Variants in TENM2 observed in about 807,000 individuals in gnomAD.
TENM2 encodes the protein teneurin transmembrane protein 2.
A neutral mutation model predicts 245.2 loss-of-function variants in TENM2; 52 were observed. The ratio of observed to expected loss-of-function variants is 0.21; its 90% confidence interval spans 0.17 to 0.27. The LOEUF (loss-of-function observed/expected upper bound fraction) is 0.27, where lower values mean the gene tolerates loss of function less well. Among genes scored for constraint, TENM2 ranks in the 10% least tolerant of loss-of-function variants. The pLI, the probability that TENM2 is intolerant of heterozygous loss-of-function variation, is 1.00. For synonymous variants in TENM2, 1,363 were observed against 1,438.9 expected, an observed-to-expected ratio of 0.95 and a Z score of 1.19; for missense variants, 3,046 against 3,666.8, an observed-to-expected ratio of 0.83 and a Z score of 4.37.
At chr5:167,654,970 T>C (rs1265358722) in intron 2 of TENM2, among the ~76,000 whole-genome samples, 1 of 152,100 alleles carries the variant, frequency 6.6e-6, no homozygotes, top group African/African-American at 2.4e-5. Context: ...AAATAAATTA[T>C]AGAAACAGTT....
chr5:167,344,240 T>C (rs1021232440), intron 1 of TENM2, among the ~76,000 whole-genome samples: 2 of 147,382 alleles, frequency 1.4e-5, no homozygotes, highest in Non-Finnish European at 3.0e-5. Flanking sequence ...ATTTTGGAGA[T>C]AATATATATA....
chr5:167,559,066 T>C (rs1171308775), intron 2 of TENM2, among the ~76,000 whole-genome samples: 1 of 152,180 alleles, frequency 6.6e-6, no homozygotes, highest in African/African-American at 2.4e-5. Flanking sequence ...TGAATGAACA[T>C]AAACTCACAA....
intron 7 of TENM2, among the ~76,000 whole-genome samples, chr5:168,072,612 G>A (rs1168376155): frequency 6.6e-6 from 1 of 152,184 alleles, no homozygotes; most frequent in Non-Finnish European, 1.5e-5. Context: ...TGGAGGATAA[G>A]AGCTGACACT....
chr5:167,368,257 T>C (rs1760185025), intron 1 of TENM2, among the ~76,000 whole-genome samples: 1 of 152,190 alleles, frequency 6.6e-6, no homozygotes, highest in Non-Finnish European at 1.5e-5. Context: ...TCAGTTTAAA[T>C]TTAATATTAT....
the TENM2 span, among the ~76,000 whole-genome samples, chr5:167,146,961 T>A: frequency 6.6e-6 from 1 of 152,130 alleles, no homozygotes; most frequent in Non-Finnish European, 1.5e-5. Flanking sequence ...TCAGAAGGAA[T>A]GGAGGAACAC....
At chr5:167,409,238 G>A (rs796484771) in intron 2 of TENM2, among the ~76,000 whole-genome samples, 61 of 151,976 alleles carry the variant, frequency 4.0e-4, no homozygotes, top group African/African-American at 1.4e-3. Flanking sequence ...TTATGATCAG[G>A]AGTAATAGTT....
rs533262146 is a variant in TENM2, at chr5:167,299,146, G to T, written c.226+14083G>T. ...TGTGTTTTTAAAGGACCTTTAGTCC[G>T]TTCTACCTTTCCTGAAGACTGAGGA... On this transcript the variant is annotated intron_variant, in intron 1 of 28. Coordinates refer to ENST00000518659, the Ensembl canonical transcript of TENM2. Among the ~76,000 whole-genome samples the T allele has an allele frequency of 3.9e-5, 6 of 152,228 alleles. No homozygotes were observed. In the South Asian group the frequency reaches 1.2e-3, roughly 32 times the overall value.
chr5:167,745,855 T>TA (rs1167043318), intron 2 of TENM2, among the ~76,000 whole-genome samples: 6 of 152,244 alleles, frequency 3.9e-5, no homozygotes, highest in Non-Finnish European at 7.3e-5. Flanking sequence ...ATTCTGCTGA[T>TA]ACAGGTTTAC....
chr5:167,044,333 G>A, the TENM2 span, among the ~76,000 whole-genome samples: 1 of 152,072 alleles, frequency 6.6e-6, no homozygotes, highest in African/African-American at 2.4e-5. Flanking sequence ...TTATATGAAT[G>A]GTGTGAAGAC....
At chr5:167,613,584 C>G (rs1777605972) in intron 2 of TENM2, among the ~76,000 whole-genome samples, 1 of 152,068 alleles carries the variant, frequency 6.6e-6, no homozygotes, top group African/African-American at 2.4e-5. Context: ...TTACTAGATG[C>G]AATGACACTA....
chr5:167,044,267 G>A, the TENM2 span, among the ~76,000 whole-genome samples: 3 of 152,106 alleles, frequency 2.0e-5, no homozygotes, highest in Non-Finnish European at 4.4e-5. Flanking sequence ...AGGAACAAAG[G>A]AAAAATACTG....
the TENM2 span, among the ~76,000 whole-genome samples, chr5:167,229,810 T>C: frequency 6.6e-6 from 1 of 152,200 alleles, no homozygotes; most frequent in African/African-American, 2.4e-5. Context: ...TGTCAGGGAA[T>C]GCTCACGTGT....
intron 2 of TENM2, among the ~76,000 whole-genome samples, chr5:167,567,748 A>AG (rs1774000563): frequency 6.6e-6 from 1 of 152,168 alleles, no homozygotes; most frequent in Non-Finnish European, 1.5e-5. Context: ...ATACAACCCC[A>AG]GGGGTAAAAA....
intron 3 of TENM2, among the ~76,000 whole-genome samples, chr5:167,942,913 T>A (rs1779302362): frequency 6.6e-6 from 1 of 152,128 alleles, no homozygotes; most frequent in South Asian, 2.1e-4. Context: ...AGATATTTGA[T>A]TATCTTGGGT....
At chr5:167,059,450 C>A in the TENM2 span, among the ~76,000 whole-genome samples, 1 of 152,110 alleles carries the variant, frequency 6.6e-6, no homozygotes, top group South Asian at 2.1e-4. Context: ...GTTTTTCAGA[C>A]GAATGTTTCT....
chr5:168,049,366 A>G (rs1788883475), intron 6 of TENM2, among the ~76,000 whole-genome samples: 1 of 152,216 alleles, frequency 6.6e-6, no homozygotes, highest in African/African-American at 2.4e-5. Context: ...AGAATGCATA[A>G]CACACATGTG....
chr5:168,141,123 T>C (rs746706743), intron 12 of TENM2, among the ~76,000 whole-genome samples: 3 of 152,148 alleles, frequency 2.0e-5, no homozygotes, highest in Non-Finnish European at 4.4e-5. Flanking sequence ...AGAGAATTCC[T>C]TGGGCTTTGC....
intron 2 of TENM2, among the ~76,000 whole-genome samples, chr5:167,510,491 G>A (rs1769867575): frequency 6.6e-6 from 1 of 152,150 alleles, no homozygotes; most frequent in African/African-American, 2.4e-5. Context: ...GGAAATAAGT[G>A]TGGAGGATCA....
chr5:167,677,911 G>C (rs1756443465), intron 2 of TENM2, among the ~76,000 whole-genome samples: 1 of 151,698 alleles, frequency 6.6e-6, no homozygotes, highest in Non-Finnish European at 1.5e-5. Flanking sequence ...ACTAGAAATA[G>C]TCTAAAAGTT....
Sources: gnomAD v4.1 joint callset for allele counts (sites outside exome capture counted in the v4.1 genomes callset) on GRCh38, gnomAD v4.1.1 for gene constraint, MANE v1.5 for transcripts, NCBI Gene and HGNC (gene_info 2026-07-23, HGNC 2026-07-21) for gene names.